Variants in EPSTI1 observed in about 807,000 individuals in gnomAD.
EPSTI1 encodes epithelial-stromal interaction protein 1.
EPSTI1 carries 66 observed loss-of-function variants against 49.9 expected under a neutral mutation model. That is an observed-to-expected ratio of 1.32 (90% CI 1.08 to 1.62). EPSTI1 has a LOEUF of 1.62. EPSTI1 is among the 40% of genes most tolerant of loss of function. The pLI, the probability that EPSTI1 is intolerant of heterozygous loss-of-function variation, is 0.00. For missense variants in EPSTI1, 394 were observed against 365.5 expected (o/e 1.08, Z -0.64); for synonymous variants, 137 against 130.7 (o/e 1.05, Z -0.33).
At chr13:42,958,240 A>T (rs78795286) in intron 5 of EPSTI1, among the ~76,000 whole-genome samples, 1 of 149,216 alleles carries the variant, frequency 6.7e-6, no homozygotes, top group African/African-American at 2.5e-5. Context: ...CCTGGGGAAC[A>T]TTTTTTTTTT....
chr13:42,939,350 T>A (rs1445230089), intron 6 of EPSTI1, among the ~76,000 whole-genome samples: 1 of 152,202 alleles, frequency 6.6e-6, no homozygotes, highest in East Asian at 1.9e-4. Context: ...ATGCAAGAGG[T>A]CTAGCTTTTG....
chr13:42,906,377 T>C (rs2037499324), intron 8 of EPSTI1, among the ~76,000 whole-genome samples: 1 of 152,188 alleles, frequency 6.6e-6, no homozygotes. Context: ...AAGATGAACA[T>C]GGGGTCATTT....
intron 8 of EPSTI1, among the ~76,000 whole-genome samples, chr13:42,909,404 A>G (rs2037600033): frequency 6.6e-6 from 1 of 152,204 alleles, no homozygotes; most frequent in Non-Finnish European, 1.5e-5. Context: ...TAAAAATAGA[A>G]GTACCATATG....
intron 7 of EPSTI1, among the ~76,000 whole-genome samples, chr13:42,924,438 G>A (rs1226160116): frequency 6.6e-6 from 1 of 152,190 alleles, no homozygotes; most frequent in Non-Finnish European, 1.5e-5. Context: ...TTAAATTGAA[G>A]AAATGAGCCA....
chr13:42,969,351 T>C (rs906493595), intron 2 of EPSTI1, 174 bp from the exon 3 acceptor site: 4 of 643,260 alleles, frequency 6.2e-6, no homozygotes, highest in Non-Finnish European at 7.8e-6. Context: ...CAGGTCATCC[T>C]GGGCCCGGCC....
intron 5 of EPSTI1, among the ~76,000 whole-genome samples, chr13:42,956,078 G>C (rs983962148): frequency 2.6e-5 from 4 of 152,170 alleles, no homozygotes; most frequent in South Asian, 2.1e-4. Flanking sequence ...ATGGCAGTAT[G>C]CTAAACACAT....
Position 42,970,670 on chromosome 13 carries a change from G to T in EPSTI1, c.189C>A (p.Arg63=), listed in dbSNP as rs2153433340. 1 of 1,593,060 alleles carries T rather than the reference G, an allele frequency of 6.3e-7. No homozygotes were observed. The highest frequency in any genetic ancestry group is 8.5e-7 in the Non-Finnish European group (1 of 1,173,750). Residue 63 remains arginine (R), a splice_region_variant and synonymous_variant, in exon 2 of 11, where the codon CGC becomes CGA. Coordinates refer to ENST00000313624, the MANE Select transcript of EPSTI1 (RefSeq NM_033255.5). The part of the protein sequence containing the change: ...RESVVHAGQR[R]TSAYTLIAPN... ...GTGCTATCAAGGTGTATGCACTTGT[G>T]CTAAAAGGAAGAGAAAAAAAAATGC...
intron 6 of EPSTI1, among the ~76,000 whole-genome samples, chr13:42,929,877 C>T (rs2038305974): frequency 6.6e-6 from 1 of 152,120 alleles, no homozygotes; most frequent in South Asian, 2.1e-4. Flanking sequence ...TGGCAGATAC[C>T]ATTCCAGATT....
intron 5 of EPSTI1, among the ~76,000 whole-genome samples, chr13:42,960,903 G>A (rs146338820): frequency 1.2e-4 from 19 of 152,252 alleles, no homozygotes; most frequent in African/African-American, 4.1e-4. Context: ...GATATTGCAG[G>A]ATACGCTCTC....
intron 8 of EPSTI1, among the ~76,000 whole-genome samples, chr13:42,903,137 A>G (rs548184482): frequency 6.6e-6 from 1 of 152,184 alleles, no homozygotes; most frequent in South Asian, 2.1e-4. Context: ...ACTAACTCTC[A>G]TTAGTTCTGG....
At chr13:42,916,887 A>G (rs1455272128) in intron 8 of EPSTI1, among the ~76,000 whole-genome samples, 1 of 152,116 alleles carries the variant, frequency 6.6e-6, no homozygotes, top group African/African-American at 2.4e-5. Flanking sequence ...TTTCATGCTG[A>G]GCAGCTTCTG....
rs2039060310 is a variant in EPSTI1 at position 42,950,444 on chromosome 13, T to C, written c.563+3504A>G. Among the ~76,000 whole-genome samples the C allele has an allele frequency of 2.0e-5, 3 of 152,216 alleles. No homozygotes were observed. In the South Asian group the frequency reaches 6.2e-4, roughly 32 times the overall value. On this transcript the variant is annotated intron_variant, in intron 6 of 10. Transcript: ENST00000313624. ...GCCTTCATTATTACACTCAGGAGAG[T>C]CCCTTTGGATGTCAATAAAAGCCTA...
Position 42,917,634 on chromosome 13 carries a change from T to C in EPSTI1, c.658-10A>G, listed in dbSNP as rs761899215. Reference sequence around the variant, plus strand: ...AAGCCCAGCTTCTGGCCTGTAAAGGTACAAAGAGAAAAAAAAAAAAAAAAA... The same window carrying C: ...AAGCCCAGCTTCTGGCCTGTAAAGGCACAAAGAGAAAAAAAAAAAAAAAAA... On this transcript the variant is annotated splice_polypyrimidine_tract_variant and intron_variant, in intron 7 of 10. Coordinates refer to ENST00000313624, the MANE Select transcript of EPSTI1 (RefSeq NM_033255.5). 1.4e-4 allele frequency: 35 copies of C among 248,220 alleles called. 1 individual carries two copies. Among genetic ancestry groups the C allele is most frequent in the Admixed American group, 8.9e-4 (15 of 16,838 alleles). 15.4% of individuals were successfully genotyped at this position (248,220 alleles called of 1,614,324 possible). A position where few individuals can be genotyped will look rare whatever the true frequency, so the allele number is the denominator to read the frequency against.
chr13:42,935,345 T>C (rs1466240334), intron 6 of EPSTI1, among the ~76,000 whole-genome samples: 1 of 152,212 alleles, frequency 6.6e-6, no homozygotes, highest in African/African-American at 2.4e-5. Flanking sequence ...TTCTTCCTCT[T>C]CTCCCTGCTT....
At chr13:42,987,529 G>A (rs1188111252) in intron 1 of EPSTI1, among the ~76,000 whole-genome samples, 3 of 151,912 alleles carry the variant, frequency 2.0e-5, no homozygotes, top group Admixed American at 2.0e-4. Flanking sequence ...TTTGAATGTG[G>A]CCCAACACAA....
chr13:42,963,165 T>C (rs2039507418), intron 5 of EPSTI1, 90 bp downstream of exon 5: 1 of 1,055,924 alleles, frequency 9.5e-7, no homozygotes, highest in Admixed American at 2.1e-5. Context: ...GAAAGATGGA[T>C]AAATTTTTAA....
chr13:42,921,636 T>C lies in EPSTI1; in HGVS notation c.658-4012A>G, dbSNP rs1360384749. 2.0e-5 allele frequency among the ~76,000 whole-genome samples: 3 copies of C among 152,174 alleles called. No individual in the cohort carries two copies. In the East Asian group the frequency reaches 5.8e-4, roughly 29 times the overall value. On this transcript the variant is annotated intron_variant, in intron 7 of 10. Transcript: ENST00000313624. The stretch of plus-strand genomic sequence containing the variant: ...TCTCAACCTTGGCTGCACATTAGAA[T>C]GGCCCGGGGAGCTTTTTTAAACCCT...
Position 42,966,806 on chromosome 13 carries a change from G to T in EPSTI1, c.331+2288C>A, listed in dbSNP as rs1357324367. On this transcript the variant is annotated intron_variant, in intron 3 of 10. Transcript: ENST00000313624. ...CCAACAGCTCATTGAGAACGGGCCA[G>T]GATGACAATGGCGGCTTTGTGGAAT... Among the ~76,000 whole-genome samples, 2 of 84,274 alleles carry T rather than the reference G, an allele frequency of 2.4e-5. 1 individual carries two copies. Among genetic ancestry groups the T allele is most frequent in the East Asian group, 1.2e-3 (2 of 1,626 alleles). 55.3% of individuals were successfully genotyped at this position (84,274 alleles called of 152,430 possible).
chr13:42,910,514 A>G (rs1429781976), intron 8 of EPSTI1, among the ~76,000 whole-genome samples: 3 of 152,108 alleles, frequency 2.0e-5, no homozygotes, highest in Non-Finnish European at 4.4e-5. Context: ...TCGGCCTCCC[A>G]AAGTTCTGGG....
Sources: allele counts gnomAD v4.1 joint callset (sites outside exome capture counted in the v4.1 genomes callset), GRCh38; gene constraint gnomAD v4.1.1; transcripts MANE v1.5; gene names NCBI Gene and HGNC (gene_info 2026-07-23, HGNC 2026-07-21).